KCNMA1: variants seen among roughly 807,000 people sequenced by gnomAD.
The protein encoded by KCNMA1 is Calcium-activated potassium channel subunit alpha-1.
KCNMA1 carries 29 observed loss-of-function variants against 140.0 expected under a neutral mutation model. The ratio of observed to expected loss-of-function variants is 0.21; its 90% confidence interval spans 0.15 to 0.28. The LOEUF is 0.28. KCNMA1 is among the 10% of genes least tolerant of loss of function. The probability of loss-of-function intolerance (pLI) is 1.00; values close to 1 mark genes in which losing one functional copy is unlikely to be tolerated. For missense variants in KCNMA1, 880 were observed against 1,602.2 expected (o/e 0.55, Z 7.70); for synonymous variants, 612 against 611.9 (o/e 1.00, Z 0.00).
intron 1 of KCNMA1, among the ~76,000 whole-genome samples, chr10:77,564,302 G>C (rs2067381763): frequency 6.6e-6 from 1 of 152,212 alleles, no homozygotes; most frequent in Non-Finnish European, 1.5e-5. Flanking sequence ...GCCAGGCATG[G>C]TGGCTCATGC....
chr10:77,615,365 T>C (rs2089020826), intron 1 of KCNMA1, among the ~76,000 whole-genome samples: 1 of 152,174 alleles, frequency 6.6e-6, no homozygotes, highest in African/African-American at 2.4e-5. Context: ...GGAGAAACCA[T>C]TCCATGCCCT....
intron 24 of KCNMA1, chr10:76,914,524 G>A (rs1336335124): frequency 9.1e-6 from 3 of 330,720 alleles, no homozygotes; most frequent in East Asian, 1.3e-4. Context: ...GCTTAGATCC[G>A]AGGCTTTGTA....
intron 3 of KCNMA1, among the ~76,000 whole-genome samples, chr10:77,214,712 T>G (rs2047152855): frequency 6.6e-6 from 1 of 152,110 alleles, no homozygotes; most frequent in Non-Finnish European, 1.5e-5. Flanking sequence ...GACCCTTACC[T>G]TCCCTCTGTC....
chr10:76,899,303 G>C (rs1159605389), intron 25 of KCNMA1, among the ~76,000 whole-genome samples: 1 of 152,100 alleles, frequency 6.6e-6, no homozygotes, highest in Non-Finnish European at 1.5e-5. Flanking sequence ...CCCCTGGAAA[G>C]AGTTGTACAA....
chr10:77,635,529 T>A (rs1422524530), intron 1 of KCNMA1: 1 of 152,080 alleles, frequency 6.6e-6, no homozygotes, highest in Non-Finnish European at 1.5e-5. Context: ...TTCCCGAGAC[T>A]GTTGGGGGAG....
rs539400301 is a variant in KCNMA1 at position 77,613,259 on chromosome 10, C to A, written c.378+24006G>T. Among the ~76,000 whole-genome samples the A allele has an allele frequency of 7.7e-4, 117 of 152,322 alleles. 1 individual carries two copies. The highest frequency in any genetic ancestry group is 1.7e-3 in the South Asian group (8 of 4,826). On this transcript the variant is annotated intron_variant, in intron 1 of 27. Transcript: ENST00000286628. The stretch of plus-strand genomic sequence containing the variant: ...TAGCTCCCTGGACCCAACCTTCCCC[C>A]ACAACCTTCCCCAGTTGCAGCACAG...
chr10:77,396,407 G>T (rs1248472440), intron 2 of KCNMA1, among the ~76,000 whole-genome samples: 2 of 152,080 alleles, frequency 1.3e-5, no homozygotes, highest in East Asian at 3.9e-4. Flanking sequence ...GGATACTGAT[G>T]GGAAATGTCA....
intron 15 of KCNMA1, among the ~76,000 whole-genome samples, chr10:77,033,275 C>T (rs1433235130): frequency 1.3e-5 from 2 of 152,098 alleles, no homozygotes; most frequent in Non-Finnish European, 1.5e-5. Context: ...AACTTTGAAA[C>T]ATCCGGATTT....
intron 5 of KCNMA1, among the ~76,000 whole-genome samples, chr10:77,165,858 C>T (rs904077665): frequency 2.6e-5 from 4 of 152,194 alleles, no homozygotes; most frequent in African/African-American, 9.7e-5. Context: ...GTTAACTAAA[C>T]CAGGCTTCAA....
intron 9 of KCNMA1, among the ~76,000 whole-genome samples, chr10:77,098,334 C>T (rs2096991477): frequency 6.6e-6 from 1 of 152,136 alleles, no homozygotes; most frequent in African/African-American, 2.4e-5. Context: ...CAATTATATA[C>T]AGTCTTGGGA....
chr10:76,887,752 G>A (rs2037829250), intron 27 of KCNMA1: 1 of 554,144 alleles, frequency 1.8e-6, no homozygotes, highest in Non-Finnish European at 3.2e-6. Context: ...ATTAGAGCCA[G>A]TAATGGAAGA....
chr10:77,047,919 T>C lies in KCNMA1; in HGVS notation c.1750-8282A>G, dbSNP rs1352112499. Among the ~76,000 whole-genome samples, 10 of 152,112 alleles carry C rather than the reference T, an allele frequency of 6.6e-5. No individual in the cohort carries two copies. In the East Asian group the frequency reaches 1.9e-3, roughly 29 times the overall value. On this transcript the variant is annotated intron_variant, in intron 14 of 27. Coordinates refer to ENST00000286628, the MANE Select transcript of KCNMA1 (RefSeq NM_001161352.2). ...GCAGGGTTTTCAGGACAGCCCTTCT[T>C]ACCCCATCTGAGGTGAGGGACCAGG...
At chr10:77,615,345 C>T (rs2154568704) in intron 1 of KCNMA1, among the ~76,000 whole-genome samples, 1 of 152,352 alleles carries the variant, frequency 6.6e-6, no homozygotes, top group Admixed American at 6.5e-5. Flanking sequence ...TTCAGACCCT[C>T]AGCCTTCTGG....
At chr10:77,205,167 C>G (rs891306824) in intron 3 of KCNMA1, among the ~76,000 whole-genome samples, 2 of 152,188 alleles carry the variant, frequency 1.3e-5, no homozygotes, top group African/African-American at 4.8e-5. Context: ...CTTATTGGTT[C>G]TATATCAGAA....
intron 1 of KCNMA1, among the ~76,000 whole-genome samples, chr10:77,591,543 A>G (rs140801234): frequency 5.3e-5 from 8 of 152,358 alleles, no homozygotes; most frequent in Non-Finnish European, 7.3e-5. Flanking sequence ...ACCCAGGCCA[A>G]GCAACTTAGA....
At chr10:77,414,701 G>T (rs2096699418) in intron 1 of KCNMA1, among the ~76,000 whole-genome samples, 1 of 151,932 alleles carries the variant, frequency 6.6e-6, no homozygotes, top group Non-Finnish European at 1.5e-5. Flanking sequence ...TGTTGGATAG[G>T]CTGGTCTGGA....
intron 16 of KCNMA1, chr10:77,020,295 G>T: frequency 6.6e-6 from 1 of 152,218 alleles, no homozygotes; most frequent in East Asian, 1.9e-4. Context: ...GAAGTGATAC[G>T]TCTGTAGTCA....
At position 77,110,477 on chromosome 10, in the gene KCNMA1, C is replaced by T. The variant is rs905570826; in HGVS notation, c.961-134G>A. 68 of 804,528 alleles carry T rather than the reference C, an allele frequency of 8.5e-5. No individual in the cohort carries two copies. The African/African-American group carries it at 1.1e-3, about 13-fold the overall frequency. 49.8% of individuals were successfully genotyped at this position (804,528 alleles called of 1,614,324 possible). On this transcript the variant is annotated intron_variant, in intron 7 of 27. Transcript: ENST00000286628. ...CACTCTCCACACGAGATGTGTGGTT[C>T]CCGGGCTGAGTTCTGTGAGTCAGGA...
intron 1 of KCNMA1, among the ~76,000 whole-genome samples, chr10:77,472,076 C>T (rs933419582): frequency 6.7e-6 from 1 of 150,186 alleles, no homozygotes; most frequent in Non-Finnish European, 1.5e-5. Flanking sequence ...ATGCACCATA[C>T]ACATACCACA....
Sources: gnomAD v4.1 joint callset for allele counts (sites outside exome capture counted in the v4.1 genomes callset) on GRCh38, gnomAD v4.1.1 for gene constraint, MANE v1.5 for transcripts, NCBI Gene and HGNC (gene_info 2026-07-23, HGNC 2026-07-21) for gene names.